The following MYH9 variants were observed in gnomAD, a reference collection of about 807,000 sequenced individuals.
MYH9 encodes myosin heavy chain 9.
MYH9 carries 29 observed loss-of-function variants against 241.9 expected under a neutral mutation model. The ratio of observed to expected loss-of-function variants is 0.12; its 90% CI spans 0.09 to 0.16. MYH9 has a LOEUF of 0.16. MYH9 is among the 10% of genes least tolerant of loss of function. MYH9 has a pLI of 1.00. For missense variants in MYH9, 1,803 were observed against 2,595.5 expected (o/e 0.69, Z 6.63); for synonymous variants, 1,047 against 1,062.6 (o/e 0.99, Z 0.29).
rs1050130268 is a variant in MYH9 at position 36,285,738 on chromosome 22, C to T, written c.5194G>A (p.Ala1732Thr). ...EEKRRLEARIAQLEEELEEEQ... is the reference protein window; with the variant it reads ...EEKRRLEARITQLEEELEEEQ... The stretch of plus-strand genomic sequence containing the variant: ...TCCTCCAGCTCCTCCTCCAGCTGGG[C>T]GATGCGGGCCTCCAGACGCCGCTTC... Residue 1732 changes from alanine (A) to threonine (T), a missense_variant, in exon 37 of 41, where the codon GCC (alanine) becomes ACC (threonine). This residue lies in a region of MYH9 where 876 missense variants were observed against 1,077.8 expected (regional missense o/e 0.81). Transcript: ENST00000216181. This position sits in a 1 kb window ranked among gnomAD's most constrained non-coding sequence, Gnocchi z 7.0. 3.1e-6 allele frequency: 5 copies of T among 1,612,420 alleles called. No homozygotes were observed. Among genetic ancestry groups the T allele is most frequent in the Non-Finnish European group, 2.5e-6 (3 of 1,179,586 alleles).
At position 36,295,001 on chromosome 22, in the gene MYH9, G is replaced by T. The variant is rs876657520; in HGVS notation, c.3561C>A (p.Ile1187=). The T allele has an allele frequency of 7.4e-6, 12 of 1,614,070 alleles. No individual in the cohort carries two copies. Among genetic ancestry groups the T allele is most frequent in the Non-Finnish European group, 9.3e-6 (11 of 1,180,042 alleles). The part of the protein sequence containing the change: ...EEEAKTHEAQ[I]QEMRQKHSQA... ...GTGAGTGCTTCTGCCTCATCTCCTG[G>T]ATCTGGGCCTCGTGGGTCTTGGCCT... The change falls in exon 27 of 41, where the codon ATC becomes ATA. Residue 1187 remains isoleucine (I), a synonymous_variant. Coordinates refer to ENST00000216181, the MANE Select transcript of MYH9 (RefSeq NM_002473.6). The surrounding 1 kb of genome is among the most constrained non-coding windows in gnomAD (Gnocchi z 4.1).
intron 3 of MYH9, among the ~76,000 whole-genome samples, chr22:36,339,281 G>A (rs532007749): frequency 6.6e-6 from 1 of 152,262 alleles, no homozygotes; most frequent in South Asian, 2.1e-4. Flanking sequence ...GTGAGAACAG[G>A]CCCTTACTCA....
intron 1 of MYH9, among the ~76,000 whole-genome samples, chr22:36,357,663 T>C (rs1314486909): frequency 6.6e-6 from 1 of 152,260 alleles, no homozygotes. Flanking sequence ...CTCTCAGTCG[T>C]CATCCTCCCC....
At chr22:36,323,981 G>A (rs1039106931) in intron 5 of MYH9, among the ~76,000 whole-genome samples, 1 of 152,214 alleles carries the variant, frequency 6.6e-6, no homozygotes, top group Non-Finnish European at 1.5e-5. Flanking sequence ...GGCAGCCCAC[G>A]GAGCCAGACT....
At chr22:36,342,259 AC>A (rs1367068135) in intron 2 of MYH9, among the ~76,000 whole-genome samples, 1 of 151,782 alleles carries the variant, frequency 6.6e-6, no homozygotes, top group Non-Finnish European at 1.5e-5. Context: ...TTCAAATAAG[AC>A]CCCCAGAGTC....
chr22:36,294,862 T>C, intron 27 of MYH9, 70 bp downstream of exon 27: 1 of 1,596,494 alleles, frequency 6.3e-7, no homozygotes, highest in Non-Finnish European at 8.5e-7. Context: ...TCTGCAGGAC[T>C]GGTTTGGATT....
rs1569536215 is a variant in MYH9 at position 36,330,284 on chromosome 22, G to A, written c.491-2796C>T. ...AATGCTTTCTGAAAGGCAAACTGCT[G>A]GGAGGCCTCCTCATTGCATCTCTTA... On this transcript the variant is annotated intron_variant, in intron 3 of 40. Coordinates refer to ENST00000216181, the MANE Select transcript of MYH9 (RefSeq NM_002473.6). This position sits in a 1 kb window ranked among gnomAD's most constrained non-coding sequence, Gnocchi z 4.5. 6.6e-6 allele frequency among the ~76,000 whole-genome samples: 1 copy of A among 152,216 alleles called. No individual in the cohort carries two copies. The highest frequency in any genetic ancestry group is 1.5e-5 in the Non-Finnish European group (1 of 68,040).
rs2269529 is a variant in MYH9, at chr22:36,288,308, T to C, written c.4876A>G (p.Ile1626Val). ...TCCCGGTTCTTGTTGGCCGAGTCGA[T>C]GTGCGCCTCCAGGTCCTTCAGGTCC... ...EMDLKDLEAH[I>V]DSANKNRDEA... The change falls in exon 34 of 41, where the codon ATC (isoleucine) becomes GTC (valine). Residue 1626 changes from isoleucine (I) to valine (V), a missense_variant. Physicochemically the swap from Ile to Val is conservative, Grantham distance 29 (BLOSUM62 3). Transcript: ENST00000216181. This position sits in a 1 kb window ranked among gnomAD's most constrained non-coding sequence, Gnocchi z 4.8. 0.22 allele frequency: 353,815 copies of C among 1,613,510 alleles called. 47,050 individuals are homozygous for C. Among genetic ancestry groups the C allele is most frequent in the East Asian group, 0.61 (27,272 of 44,810 alleles).
chr22:36,333,293 C>T (rs576098487), intron 3 of MYH9, among the ~76,000 whole-genome samples: 5 of 152,330 alleles, frequency 3.3e-5, no homozygotes, highest in East Asian at 1.9e-4. Flanking sequence ...CACGTTGCCT[C>T]GGAGGAGCGG....
At chr22:36,355,298 T>A (rs577726808) in intron 1 of MYH9, among the ~76,000 whole-genome samples, 1 of 152,288 alleles carries the variant, frequency 6.6e-6, no homozygotes, top group South Asian at 2.1e-4. Context: ...AACATCTTCT[T>A]TCAACCCAAA....
At chr22:36,290,526 G>GCCT (rs1306355693) in intron 31 of MYH9, among the ~76,000 whole-genome samples, 1 of 152,188 alleles carries the variant, frequency 6.6e-6, no homozygotes, top group Non-Finnish European at 1.5e-5. Context: ...GCCTGCCTTG[G>GCCT]CCTCCCAAAA....
At chr22:36,371,058 C>A (rs565500975) in intron 1 of MYH9, among the ~76,000 whole-genome samples, 1 of 152,276 alleles carries the variant, frequency 6.6e-6, no homozygotes, top group Non-Finnish European at 1.5e-5. Flanking sequence ...GGGCTCCTCC[C>A]CCAGATCTGA....
At chr22:36,301,880 T>C (rs2016883588) in intron 20 of MYH9, among the ~76,000 whole-genome samples, 1 of 152,148 alleles carries the variant, frequency 6.6e-6, no homozygotes, top group South Asian at 2.1e-4. Flanking sequence ...TCCCTGCGTG[T>C]GCGTGAAGAT....
At position 36,306,447 on chromosome 22, in the gene MYH9, A is replaced by G. The variant is rs762081841; in HGVS notation, c.2004T>C (p.Phe668=). Residue 668 remains phenylalanine, a synonymous_variant, in exon 16 of 41, where the codon TTT becomes TTC. Transcript: ENST00000216181. This position sits in a 1 kb window ranked among gnomAD's most constrained non-coding sequence, Gnocchi z 4.1. ...MATLRNTNPN[F]VRCIIPNHEK... The stretch of plus-strand genomic sequence containing the variant: ...CGTGGTTGGGGATGATGCAGCGGAC[A>G]AAGTTGGGGTTCGTGTTCCTCAGCG... 6.2e-7 allele frequency: 1 copy of G among 1,614,086 alleles called. No homozygotes were observed. The highest frequency in any genetic ancestry group is 8.5e-7 in the Non-Finnish European group (1 of 1,180,016).
intron 30 of MYH9, among the ~76,000 whole-genome samples, chr22:36,292,660 G>C (rs73405726): frequency 0.087 from 13,322 of 152,260 alleles, 1,614 homozygotes; most frequent in African/African-American, 0.27. Context: ...CTGTGGAATG[G>C]ACTCCCAGCC....
intron 19 of MYH9, among the ~76,000 whole-genome samples, chr22:36,303,507 G>A (rs746001117): frequency 1.4e-4 from 22 of 151,940 alleles, no homozygotes; most frequent in Non-Finnish European, 2.6e-4. Context: ...ATTCAGCCAG[G>A]AGCAGTGGCT....
chr22:36,357,129 C>G (rs1309719801), intron 1 of MYH9, among the ~76,000 whole-genome samples: 2 of 152,198 alleles, frequency 1.3e-5, no homozygotes, highest in Non-Finnish European at 2.9e-5. Context: ...ACAACCGGCT[C>G]CACCACTGAC....
At chr22:36,357,861 C>A (rs1273444864) in intron 1 of MYH9, among the ~76,000 whole-genome samples, 1 of 152,176 alleles carries the variant, frequency 6.6e-6, no homozygotes, top group East Asian at 1.9e-4. Flanking sequence ...CTTTAAAGAT[C>A]CTGAATACCC....
chr22:36,319,919 TC>T, intron 9 of MYH9: 2 of 605,636 alleles, frequency 3.3e-6, no homozygotes, highest in Non-Finnish European at 5.9e-6. Context: ...TCTTCCACAC[TC>T]CCCGAGACAG....
Sources: allele counts gnomAD v4.1 joint callset (sites outside exome capture counted in the v4.1 genomes callset), GRCh38; gene constraint gnomAD v4.1.1; regional missense constraint gnomAD v4.1.1; non-coding constraint Gnocchi (gnomAD v3.1); transcripts MANE v1.5; gene names NCBI Gene and HGNC (gene_info 2026-07-23, HGNC 2026-07-21).